Variants in WASHC2A observed in about 807,000 individuals in gnomAD.
The protein encoded by WASHC2A is WASH complex subunit 2A, also known as WASH complex subunit FAM21A.
A neutral mutation model predicts 140.3 loss-of-function variants in WASHC2A; 82 were observed. The ratio of observed to expected loss-of-function variants is 0.58; its 90% CI spans 0.49 to 0.70. The LOEUF (loss-of-function observed/expected upper bound fraction) is 0.70, where lower values mean the gene tolerates loss of function less well. WASHC2A is among the 30% of genes least tolerant of loss of function. The pLI, the probability that WASHC2A is intolerant of heterozygous loss-of-function variation, is 0.00. For synonymous variants in WASHC2A, 340 were observed against 560.8 expected, an observed-to-expected ratio of 0.61 and a Z score of 5.56; for missense variants, 985 against 1,521.8, an observed-to-expected ratio of 0.65 and a Z score of 5.87.
rs781814112 is a variant in WASHC2A at position 50,067,975 on chromosome 10, G to A, written c.-31G>A. 7 of 1,601,256 alleles carry A rather than the reference G, an allele frequency of 4.4e-6. No individual in the cohort carries two copies. Among genetic ancestry groups the A allele is most frequent in the Middle Eastern group, 2.2e-4 (1 of 4,448 alleles). On this transcript the variant is annotated 5_prime_UTR_variant, in exon 1 of 31. Transcript: ENST00000282633. ...CTGCAGTCCTCGGCGTGTGCTGGCA[G>A]CTTCGGAGCCCACCGAGCCGGGCGG...
intron 16 of WASHC2A, among the ~76,000 whole-genome samples, chr10:50,099,269 CTTTT>C (rs1295300009): frequency 7.3e-6 from 1 of 136,162 alleles, no homozygotes. Flanking sequence ...CATTCTTCTT[CTTTT>C]TTTTTTTTTT....
intron 17 of WASHC2A, among the ~76,000 whole-genome samples, chr10:50,101,677 T>C (rs1476229927): frequency 2.6e-5 from 4 of 152,270 alleles, no homozygotes; most frequent in Admixed American, 2.6e-4. Flanking sequence ...TGGTTATTTG[T>C]TGCTATGAAA....
chr10:50,076,885 A>G lies in WASHC2A; in HGVS notation c.292-1790A>G, dbSNP rs1445147391. ...GTAATCCCAGCACTTTGGGAGGCTG[A>G]GGTGGGCGAATCACGAGGTCAGATT... On this transcript the variant is annotated intron_variant, in intron 3 of 30. Transcript: ENST00000282633. Among the ~76,000 whole-genome samples the G allele has an allele frequency of 7.7e-3, 1,166 of 151,020 alleles. 37 individuals are homozygous for G. Among genetic ancestry groups the G allele is most frequent in the South Asian group, 0.073 (350 of 4,786 alleles).
chr10:50,114,614 C>T (rs1192954826), intron 21 of WASHC2A, among the ~76,000 whole-genome samples: 34 of 111,638 alleles, frequency 3.0e-4, no homozygotes, highest in African/African-American at 1.1e-3. Flanking sequence ...GCCTGGAAAC[C>T]GGCCTGAAAG....
intron 16 of WASHC2A, among the ~76,000 whole-genome samples, chr10:50,098,926 G>A (rs1355794049): frequency 2.0e-5 from 3 of 150,404 alleles, no homozygotes; most frequent in African/African-American, 7.4e-5. Flanking sequence ...TTTGTCACTT[G>A]GTTGTTAGGG....
At chr10:50,094,634 C>T in intron 13 of WASHC2A, among the ~76,000 whole-genome samples, 1 of 152,192 alleles carries the variant, frequency 6.6e-6, no homozygotes, top group Middle Eastern at 3.4e-3. Flanking sequence ...CTCCTTGTGC[C>T]TGCTGTGCGG....
At chr10:50,075,920 A>G (rs1217261820) in intron 3 of WASHC2A, among the ~76,000 whole-genome samples, 31 of 151,446 alleles carry the variant, frequency 2.0e-4, no homozygotes, top group Non-Finnish European at 4.1e-4. Context: ...TTACTTATTT[A>G]TTTATTTTTT....
chr10:50,074,878 T>C (rs1388445430), intron 3 of WASHC2A, among the ~76,000 whole-genome samples: 6 of 152,148 alleles, frequency 3.9e-5, no homozygotes, highest in Admixed American at 2.0e-4. Context: ...ATCCTGCCAC[T>C]GCACTTCAGC....
At position 50,129,868 on chromosome 10, in the gene WASHC2A, C is replaced by G; in HGVS notation, c.3537C>G (p.Ser1179Arg). Residue 1179 changes from serine (S) to arginine (R), a missense_variant, in exon 29 of 31, where the codon AGC becomes AGG. By Grantham distance (110) the Ser-to-Arg change is moderately radical. Coordinates refer to ENST00000282633, the MANE Select transcript of WASHC2A (RefSeq NM_001005751.3). ...SPMFPALGEA[S>R]SDDDLFQSAK... ...TGTTTCCTGCTCTAGGTGAGGCCAG[C>G]AGTGATGATGATCTCTTTCAGTCTG... 1.9e-6 allele frequency: 3 copies of G among 1,612,034 alleles called. No homozygotes were observed. The highest frequency in any genetic ancestry group is 2.5e-6 in the Non-Finnish European group (3 of 1,179,872).
intron 3 of WASHC2A, among the ~76,000 whole-genome samples, chr10:50,076,812 C>G (rs2132380045): frequency 7.1e-6 from 1 of 141,346 alleles, no homozygotes; most frequent in East Asian, 2.6e-4. Flanking sequence ...AACCCCATCT[C>G]TACTAAAAAA....
At chr10:50,124,016 T>G (rs1412978526) in intron 23 of WASHC2A, among the ~76,000 whole-genome samples, 1 of 152,242 alleles carries the variant, frequency 6.6e-6, no homozygotes, top group Admixed American at 6.5e-5. Context: ...TAAACTCATT[T>G]TTATATATAA....
rs1225042914 is a variant in WASHC2A, at chr10:50,112,061, G to T, written c.2039+1791G>T. ...AGGCCTTTCCTAACTTTAAACAGAC[G>T]AGAAAGAGAAGAAGTAGGGAGTCGA... On this transcript the variant is annotated intron_variant, in intron 20 of 30. Transcript: ENST00000282633. 8 of 985,122 alleles carry T rather than the reference G, an allele frequency of 8.1e-6. No homozygotes were observed. In the African/African-American group the frequency reaches 1.4e-4, roughly 17 times the overall value. 61.0% of individuals were successfully genotyped at this position (985,122 alleles called of 1,614,324 possible).
intron 17 of WASHC2A, among the ~76,000 whole-genome samples, chr10:50,101,259 C>T (rs1841131057): frequency 6.6e-6 from 1 of 152,310 alleles, no homozygotes; most frequent in Non-Finnish European, 1.5e-5. Flanking sequence ...TCCCATGTGT[C>T]ACCCACACCT....
chr10:50,112,972 A>T (rs1842406317), intron 20 of WASHC2A, among the ~76,000 whole-genome samples: 1 of 151,688 alleles, frequency 6.6e-6, no homozygotes, highest in African/African-American at 2.4e-5. Context: ...CTTAGGTTGT[A>T]GTGATATTGC....
At chr10:50,126,754 AC>A (rs1843474621) in intron 26 of WASHC2A, among the ~76,000 whole-genome samples, 1 of 150,924 alleles carries the variant, frequency 6.6e-6, no homozygotes, top group African/African-American at 2.4e-5. Flanking sequence ...ATCACCACTG[AC>A]CCTTCCTGGG....
At chr10:50,091,821 G>A (rs1243213274) in intron 10 of WASHC2A, among the ~76,000 whole-genome samples, 1 of 152,054 alleles carries the variant, frequency 6.6e-6, no homozygotes, top group African/African-American at 2.4e-5. Context: ...AGAATTCCTG[G>A]CTGAATATTT....
At chr10:50,127,852 C>A in intron 28 of WASHC2A, 57 bp downstream of exon 28, 2 of 746,712 alleles carry the variant, frequency 2.7e-6, no homozygotes, top group South Asian at 1.8e-5. Context: ...CATGCATATG[C>A]TTCTTTCTAG....
intron 3 of WASHC2A, among the ~76,000 whole-genome samples, chr10:50,074,295 A>G (rs1838103349): frequency 7.5e-6 from 1 of 132,514 alleles, no homozygotes; most frequent in African/African-American, 2.7e-5. Context: ...TTGAGGATGC[A>G]TAGTCCTGCT....
At chr10:50,081,569 A>G (rs1303914272) in intron 5 of WASHC2A, among the ~76,000 whole-genome samples, 1 of 139,336 alleles carries the variant, frequency 7.2e-6, no homozygotes, top group Non-Finnish European at 1.5e-5. Context: ...AAGTTACCAC[A>G]GTGATTTATA....
Sources: gnomAD v4.1 joint callset for allele counts (sites outside exome capture counted in the v4.1 genomes callset) on GRCh38, gnomAD v4.1.1 for gene constraint, MANE v1.5 for transcripts, NCBI Gene and HGNC (gene_info 2026-07-23, HGNC 2026-07-21) for gene names.